MYOCD: variants seen among roughly 807,000 people sequenced by gnomAD.
The protein encoded by MYOCD is myocardin.
A neutral mutation model predicts 96.1 loss-of-function variants in MYOCD; 32 were observed. That is an observed-to-expected ratio of 0.33 (90% CI 0.25 to 0.45). The LOEUF is 0.45. MYOCD is among the 20% of genes least tolerant of loss of function. MYOCD has a pLI of 1.00. For synonymous variants in MYOCD, 469 were observed against 469.0 expected (o/e 1.00, Z 0.00); for missense variants, 1,133 against 1,200.6 (o/e 0.94, Z 0.83).
In MYOCD at chr17:12,752,515, C is replaced by A; in HGVS notation, c.1227C>A (p.Gly409=). 2 of 1,614,198 alleles carry A rather than the reference C, an allele frequency of 1.2e-6. No homozygotes were observed. Among genetic ancestry groups the A allele is most frequent in the Middle Eastern group, 1.6e-4 (1 of 6,062 alleles). Residue 409 remains glycine (G), a synonymous_variant, in exon 10 of 14, where the codon GGC becomes GGA. Transcript: ENST00000425538. ...DRLRPFQDCS[G]NPVPNFGDIT... is the part of the protein sequence containing the mutation. ...TTCGACCCTTCCAGGACTGCTCTGG[C>A]AACCCAGTGCCGAACTTTGGGGATA...
intron 1 of MYOCD, among the ~76,000 whole-genome samples, chr17:12,688,731 CTCTCTCCTTCCTT>C (rs1006400074): frequency 2.7e-5 from 4 of 150,338 alleles, no homozygotes; most frequent in Non-Finnish European, 5.9e-5. Flanking sequence ...TCTCCTTCCT[CTCTCTCCTTCCTT>C]CCTTGCTTCC....
chr17:12,675,043 A>C (rs1296937195), intron 1 of MYOCD, among the ~76,000 whole-genome samples: 1 of 152,220 alleles, frequency 6.6e-6, no homozygotes, highest in Non-Finnish European at 1.5e-5. Context: ...GTGAGACAAA[A>C]TTATTAAAAG....
chr17:12,704,067 T>C (rs938162209), intron 1 of MYOCD, among the ~76,000 whole-genome samples: 1 of 152,188 alleles, frequency 6.6e-6, no homozygotes, highest in African/African-American at 2.4e-5. Flanking sequence ...CCATTTAGAA[T>C]TGGTCACATT....
chr17:12,713,202 G>C (rs1156932577), intron 2 of MYOCD, among the ~76,000 whole-genome samples: 3 of 152,188 alleles, frequency 2.0e-5, no homozygotes, highest in Non-Finnish European at 4.4e-5. Flanking sequence ...GGTTCCAGAA[G>C]ACCTTTGTGC....
intron 5 of MYOCD, among the ~76,000 whole-genome samples, chr17:12,725,307 T>G (rs967988903): frequency 4.0e-5 from 6 of 151,048 alleles, no homozygotes; most frequent in Admixed American, 1.3e-4. Flanking sequence ...AGAATTAATA[T>G]ATTTTCTAAA....
chr17:12,751,591 G>T (rs1201326204), intron 9 of MYOCD, among the ~76,000 whole-genome samples: 1 of 152,120 alleles, frequency 6.6e-6, no homozygotes, highest in Non-Finnish European at 1.5e-5. Flanking sequence ...ACAACAATTT[G>T]CCAGGCACTA....
intron 1 of MYOCD, among the ~76,000 whole-genome samples, chr17:12,681,304 A>G (rs1180435298): frequency 6.6e-6 from 1 of 152,080 alleles, no homozygotes; most frequent in African/African-American, 2.4e-5. Context: ...TTTCTTCCCT[A>G]TTCCTCTAGT....
intron 1 of MYOCD, among the ~76,000 whole-genome samples, chr17:12,666,839 CTG>C (rs925521772): frequency 1.3e-5 from 2 of 152,138 alleles, no homozygotes; most frequent in Non-Finnish European, 2.9e-5. Flanking sequence ...CCCAAAATTT[CTG>C]TGTTAGTGGC....
intron 1 of MYOCD, among the ~76,000 whole-genome samples, chr17:12,670,962 C>T (rs1909674639): frequency 6.6e-6 from 1 of 152,192 alleles, no homozygotes; most frequent in African/African-American, 2.4e-5. Flanking sequence ...GATTCACTCA[C>T]AGCTCCCATG....
intron 8 of MYOCD, 21 bp from the exon 9 acceptor site, chr17:12,745,897 TG>T (rs1280525638): frequency 6.2e-7 from 1 of 1,612,736 alleles, no homozygotes; most frequent in South Asian, 1.1e-5. Flanking sequence ...GTACTTGAAA[TG>T]CCTCTTTGTT....
rs374500532 is a variant in MYOCD at position 12,744,445 on chromosome 17, G to A, written c.971+9G>A. The A allele has an allele frequency of 5.6e-6, 9 of 1,596,554 alleles. No homozygotes were observed. The highest frequency in any genetic ancestry group is 4.5e-5 in the South Asian group (4 of 89,406). Reference sequence around the variant, plus strand: ...CACCAAGCTCAGCTTAAGTAAGTCCGGCAAGGCTGGGAGGGTGGCTGTGGG... The same window carrying A: ...CACCAAGCTCAGCTTAAGTAAGTCCAGCAAGGCTGGGAGGGTGGCTGTGGG... On this transcript the variant is annotated intron_variant, in intron 8 of 13. Coordinates refer to ENST00000425538, the MANE Select transcript of MYOCD (RefSeq NM_001146312.3).
intron 4 of MYOCD, among the ~76,000 whole-genome samples, 178 bp from the exon 5 acceptor site, chr17:12,722,669 G>T (rs1242478014): frequency 6.6e-6 from 1 of 152,128 alleles, no homozygotes; most frequent in African/African-American, 2.4e-5. Flanking sequence ...GCCTTTATTT[G>T]GAAGTGTCTA....
At chr17:12,697,355 ATATATTTTT>A (rs1181198823) in intron 1 of MYOCD, among the ~76,000 whole-genome samples, 2 of 86,068 alleles carry the variant, frequency 2.3e-5, no homozygotes, top group Non-Finnish European at 4.2e-5. Flanking sequence ...ATATATATAT[ATATATTTTT>A]TTTTTTTTTT....
chr17:12,753,408 C>G, intron 10 of MYOCD, 62 bp downstream of exon 10: 1 of 1,430,638 alleles, frequency 7.0e-7, no homozygotes, highest in South Asian at 1.4e-5. Flanking sequence ...TACAAATTTT[C>G]AACTGCTAAA....
Position 12,739,725 on chromosome 17 carries a change from C to T in MYOCD, c.717+397C>T, listed in dbSNP as rs16946548. Among the ~76,000 whole-genome samples, 360 of 152,260 alleles carry T rather than the reference C, an allele frequency of 2.4e-3. 7 individuals are homozygous for T. The East Asian group carries it at 0.031, about 13-fold the overall frequency. On this transcript the variant is annotated intron_variant, in intron 7 of 13. Transcript: ENST00000425538. ...AAGTAGCCCTGAAAAGCTTGCATAA[C>T]GTAAAACTTACATCATTCAAGCCAG...
chr17:12,676,357 C>A (rs56750587), intron 1 of MYOCD, among the ~76,000 whole-genome samples: 2,001 of 151,566 alleles, frequency 0.013, 47 homozygotes, highest in African/African-American at 0.046. Context: ...AAACTTTAAT[C>A]CCAACAAGTT....
rs577845481 is a variant in MYOCD, at chr17:12,696,431, A to G, written c.56-8697A>G. 3.3e-5 allele frequency among the ~76,000 whole-genome samples: 5 copies of G among 152,222 alleles called. No homozygotes were observed. The South Asian group carries it at 1.0e-3, about 32-fold the overall frequency. ...CTGCCTTCAATTCTTTTGAGTATATACCCACAGGTGAAATTGATGGATCAT... is the reference window on the plus strand; with the variant it reads ...CTGCCTTCAATTCTTTTGAGTATATGCCCACAGGTGAAATTGATGGATCAT... On this transcript the variant is annotated intron_variant, in intron 1 of 13. Transcript: ENST00000425538.
intron 1 of MYOCD, among the ~76,000 whole-genome samples, chr17:12,701,344 G>C (rs539107331): frequency 3.3e-5 from 5 of 152,088 alleles, no homozygotes; most frequent in Admixed American, 3.3e-4. Flanking sequence ...CCTGGGAGTC[G>C]GAGGTTGCAG....
At chr17:12,692,376 G>A (rs927345422) in intron 1 of MYOCD, among the ~76,000 whole-genome samples, 9 of 152,200 alleles carry the variant, frequency 5.9e-5, no homozygotes, top group African/African-American at 2.2e-4. Flanking sequence ...TGATAACCTT[G>A]TAGAGTTTAG....
Sources: allele counts gnomAD v4.1 joint callset (sites outside exome capture counted in the v4.1 genomes callset), GRCh38; gene constraint gnomAD v4.1.1; transcripts MANE v1.5; gene names NCBI Gene and HGNC (gene_info 2026-07-23, HGNC 2026-07-21).